The following KCNH8 variants were observed in gnomAD, a reference collection of about 807,000 sequenced individuals.
KCNH8 encodes the protein potassium voltage-gated channel subfamily H member 8, also known as voltage-gated delayed rectifier potassium channel KCNH8.
A neutral mutation model predicts 103.6 loss-of-function variants in KCNH8; 70 were observed. The ratio of observed to expected loss-of-function variants is 0.68; its 90% CI spans 0.56 to 0.82. The LOEUF (loss-of-function observed/expected upper bound fraction) is 0.82, where lower values mean the gene tolerates loss of function less well. Among genes scored for constraint, KCNH8 ranks in the 40% least tolerant of loss-of-function variants. The pLI is 0.00. For synonymous variants in KCNH8, 498 were observed against 489.4 expected (o/e 1.02, Z -0.23); for missense variants, 1,217 against 1,329.9 (o/e 0.92, Z 1.32).
chr3:19,255,064 G>T (rs1398541206), intron 2 of KCNH8, among the ~76,000 whole-genome samples: 1 of 152,044 alleles, frequency 6.6e-6, no homozygotes, highest in African/African-American at 2.4e-5. Flanking sequence ...TAAGGGTGGG[G>T]ACCTAATCCA....
chr3:19,259,271 T>C (rs2064396242), intron 2 of KCNH8, among the ~76,000 whole-genome samples: 1 of 151,442 alleles, frequency 6.6e-6, no homozygotes, highest in Admixed American at 6.6e-5. Context: ...GCCACTACCA[T>C]GAATACAAAA....
At chr3:19,299,435 G>A (rs62279466) in intron 3 of KCNH8, among the ~76,000 whole-genome samples, 6,001 of 152,070 alleles carry the variant, frequency 0.039, 150 homozygotes, top group East Asian at 0.097. Flanking sequence ...TTCGAGTACG[G>A]ATTGGGCAAC....
intron 10 of KCNH8, among the ~76,000 whole-genome samples, chr3:19,456,005 G>A (rs2067526630): frequency 6.6e-6 from 1 of 152,024 alleles, no homozygotes; most frequent in East Asian, 1.9e-4. Context: ...GTTTTGAGCA[G>A]CAAGTTAGAT....
chr3:19,302,987 A>G (rs2065082980), intron 3 of KCNH8, among the ~76,000 whole-genome samples: 1 of 152,198 alleles, frequency 6.6e-6, no homozygotes, highest in Non-Finnish European at 1.5e-5. Context: ...TCAGTCTTTT[A>G]TATCATCTTA....
At chr3:19,303,032 G>A (rs1177521857) in intron 3 of KCNH8, among the ~76,000 whole-genome samples, 2 of 151,986 alleles carry the variant, frequency 1.3e-5, no homozygotes, top group African/African-American at 4.8e-5. Flanking sequence ...CATCCATACC[G>A]AACCTCAATC....
chr3:19,457,964 T>C (rs1052238035), intron 11 of KCNH8, among the ~76,000 whole-genome samples: 1 of 152,014 alleles, frequency 6.6e-6, no homozygotes, highest in Admixed American at 6.6e-5. Flanking sequence ...CCATTGTTGA[T>C]AGCAAACAGC....
intron 7 of KCNH8, 149 bp downstream of exon 7, chr3:19,395,460 CAA>C: frequency 1.8e-6 from 1 of 568,534 alleles, no homozygotes; most frequent in Non-Finnish European, 3.0e-6. Flanking sequence ...ATCCATGACA[CAA>C]GTAATTTATT....
intron 2 of KCNH8, among the ~76,000 whole-genome samples, chr3:19,262,069 G>A (rs1201667525): frequency 6.7e-6 from 1 of 150,034 alleles, no homozygotes; most frequent in African/African-American, 2.4e-5. Context: ...TTTTTCTTTA[G>A]TCAGAATCAT....
At chr3:19,319,903 T>A (rs1028402940) in intron 3 of KCNH8, among the ~76,000 whole-genome samples, 2 of 152,158 alleles carry the variant, frequency 1.3e-5, no homozygotes, top group Admixed American at 1.3e-4. Context: ...TATTCCTAAG[T>A]ATTTTAATTT....
intron 15 of KCNH8, among the ~76,000 whole-genome samples, chr3:19,532,644 G>A (rs1371546046): frequency 6.6e-6 from 1 of 152,166 alleles, no homozygotes; most frequent in African/African-American, 2.4e-5. Flanking sequence ...TTGTTTTGAA[G>A]TGTCCAGTGA....
chr3:19,517,624 G>A (rs1191550378), intron 14 of KCNH8, among the ~76,000 whole-genome samples: 3 of 151,984 alleles, frequency 2.0e-5, no homozygotes, highest in Admixed American at 6.6e-5. Context: ...TGGAACGAGA[G>A]AAGAAAAATA....
intron 7 of KCNH8, among the ~76,000 whole-genome samples, chr3:19,402,938 G>C (rs2066634833): frequency 6.6e-6 from 1 of 151,786 alleles, no homozygotes; most frequent in Non-Finnish European, 1.5e-5. Flanking sequence ...CTAAAATATA[G>C]ACAATAAAGT....
chr3:19,486,476 G>A (rs1376055287), intron 11 of KCNH8, among the ~76,000 whole-genome samples: 1 of 152,192 alleles, frequency 6.6e-6, no homozygotes, highest in Non-Finnish European at 1.5e-5. Context: ...TGCTGCCAGG[G>A]CCCTTAGACA....
chr3:19,527,699 T>A (rs1385040571), intron 15 of KCNH8, among the ~76,000 whole-genome samples: 1 of 151,994 alleles, frequency 6.6e-6, no homozygotes, highest in Non-Finnish European at 1.5e-5. Flanking sequence ...TTCTTAGGGG[T>A]ATGGAAGGAT....
At chr3:19,406,453 A>G (rs890821878) in intron 7 of KCNH8, among the ~76,000 whole-genome samples, 6 of 152,090 alleles carry the variant, frequency 3.9e-5, no homozygotes, top group Non-Finnish European at 7.4e-5. Context: ...TATAAAAATA[A>G]CCTGTTTTAA....
chr3:19,352,668 A>G (rs1051620176), intron 5 of KCNH8, among the ~76,000 whole-genome samples: 3 of 152,206 alleles, frequency 2.0e-5, no homozygotes, highest in Non-Finnish European at 2.9e-5. Context: ...AGAAATAAAG[A>G]TGTTCTTTGA....
At chr3:19,174,926 A>G (rs1440609250) in intron 1 of KCNH8, among the ~76,000 whole-genome samples, 1 of 152,218 alleles carries the variant, frequency 6.6e-6, no homozygotes, top group Admixed American at 6.5e-5. Context: ...AGGAAGAAAC[A>G]CGCCCTTTTG....
intron 1 of KCNH8, among the ~76,000 whole-genome samples, chr3:19,248,019 C>A (rs2064227757): frequency 6.6e-6 from 1 of 152,074 alleles, no homozygotes; most frequent in Non-Finnish European, 1.5e-5. Context: ...AACAGCACAA[C>A]CTTTCAAAGT....
At chr3:19,454,792 T>TC (rs1477029371) in intron 10 of KCNH8, among the ~76,000 whole-genome samples, 2 of 152,296 alleles carry the variant, frequency 1.3e-5, no homozygotes, top group South Asian at 4.1e-4. Flanking sequence ...CATCTTTGCT[T>TC]CTACCATGTA....
Sources: allele counts gnomAD v4.1 joint callset (sites outside exome capture counted in the v4.1 genomes callset), GRCh38; gene constraint gnomAD v4.1.1; transcripts MANE v1.5; gene names NCBI Gene and HGNC (gene_info 2026-07-23, HGNC 2026-07-21).